KCNIP4: variants seen among roughly 807,000 people sequenced by gnomAD.
KCNIP4 encodes the protein Kv channel-interacting protein 4.
Under a neutral mutation model 34.0 loss-of-function variants are expected in KCNIP4, and 12 were observed. The ratio of observed to expected loss-of-function variants is 0.35; its 90% confidence interval spans 0.23 to 0.57. KCNIP4 has a LOEUF of 0.57. Ranked by LOEUF, KCNIP4 falls within the 20% of genes least tolerant of loss-of-function variation. The pLI is 0.83. For synonymous variants in KCNIP4, 124 were observed against 102.2 expected (o/e 1.21, Z -1.29); for missense variants, 238 against 311.7 (o/e 0.76, Z 1.78).
chr4:20,819,188 G>A (rs949581227), intron 3 of KCNIP4, among the ~76,000 whole-genome samples: 4 of 151,968 alleles, frequency 2.6e-5, no homozygotes, highest in Non-Finnish European at 5.9e-5. Flanking sequence ...TCCTCACAAA[G>A]AACTTATGAT....
chr4:21,028,631 G>A (rs932044446), intron 1 of KCNIP4, among the ~76,000 whole-genome samples: 2 of 152,158 alleles, frequency 1.3e-5, no homozygotes, highest in African/African-American at 4.8e-5. Context: ...AGGTTATTTA[G>A]CAAAATACTT....
chr4:21,674,387 C>A (rs772840466), intron 1 of KCNIP4, among the ~76,000 whole-genome samples: 91 of 152,300 alleles, frequency 6.0e-4, no homozygotes, highest in Admixed American at 2.2e-3. Context: ...GATCTGAATA[C>A]TTCTTTGTGA....
chr4:21,520,320 G>C (rs1735417173), intron 1 of KCNIP4, among the ~76,000 whole-genome samples: 1 of 152,048 alleles, frequency 6.6e-6, no homozygotes, highest in African/African-American at 2.4e-5. Flanking sequence ...AGCCATACTG[G>C]CACTCTGATC....
chr4:21,862,821 C>G (rs912862445), intron 1 of KCNIP4, among the ~76,000 whole-genome samples: 11 of 151,996 alleles, frequency 7.2e-5, no homozygotes, highest in Admixed American at 2.0e-4. Flanking sequence ...ATTAGCCGGG[C>G]GTGGTGGCAG....
At chr4:21,817,702 G>T (rs1722073390) in intron 1 of KCNIP4, among the ~76,000 whole-genome samples, 1 of 152,118 alleles carries the variant, frequency 6.6e-6, no homozygotes, top group South Asian at 2.1e-4. Context: ...TTGAGATAAG[G>T]ACTGAGATAT....
At chr4:20,967,318 T>A (rs977290843) in intron 1 of KCNIP4, among the ~76,000 whole-genome samples, 11 of 152,130 alleles carry the variant, frequency 7.2e-5, no homozygotes, top group Non-Finnish European at 7.4e-5. Context: ...TGCTCATGGA[T>A]AGGAAGAATC....
At chr4:21,808,106 T>C (rs1288514389) in intron 1 of KCNIP4, among the ~76,000 whole-genome samples, 1 of 152,202 alleles carries the variant, frequency 6.6e-6, no homozygotes, top group Non-Finnish European at 1.5e-5. Context: ...ATATCATATA[T>C]CATAGGGTAG....
intron 1 of KCNIP4, among the ~76,000 whole-genome samples, chr4:21,147,448 G>A (rs1752440761): frequency 6.6e-6 from 1 of 152,088 alleles, no homozygotes; most frequent in African/African-American, 2.4e-5. Context: ...CTTGGACCCT[G>A]ATATTTTTAC....
At chr4:20,920,856 G>T (rs953116862) in intron 1 of KCNIP4, among the ~76,000 whole-genome samples, 1 of 152,216 alleles carries the variant, frequency 6.6e-6, no homozygotes, top group African/African-American at 2.4e-5. Flanking sequence ...AGGTGTGGTG[G>T]TGCATTCCTG....
chr4:20,930,297 G>A (rs1399223503), intron 1 of KCNIP4, among the ~76,000 whole-genome samples: 3 of 151,996 alleles, frequency 2.0e-5, no homozygotes, highest in African/African-American at 7.2e-5. Flanking sequence ...TGGGAAAATT[G>A]GATTGCAACA....
At chr4:21,141,095 A>T (rs1204570685) in intron 1 of KCNIP4, among the ~76,000 whole-genome samples, 1 of 152,212 alleles carries the variant, frequency 6.6e-6, no homozygotes, top group African/African-American at 2.4e-5. Flanking sequence ...ATAAAATGTT[A>T]TGTTCATAGT....
intron 1 of KCNIP4, among the ~76,000 whole-genome samples, chr4:21,870,241 T>C (rs1176752507): frequency 2.0e-5 from 3 of 152,158 alleles, no homozygotes; most frequent in African/African-American, 7.2e-5. Flanking sequence ...ATGTTCTCAA[T>C]ACCTAGTAAG....
At chr4:21,673,088 G>T (rs575192155) in intron 1 of KCNIP4, among the ~76,000 whole-genome samples, 1 of 152,306 alleles carries the variant, frequency 6.6e-6, no homozygotes, top group South Asian at 2.1e-4. Flanking sequence ...CATCATGATT[G>T]CCATAGCCTG....
chr4:21,702,291 T>A lies in KCNIP4; in HGVS notation c.61+246280A>T, dbSNP rs544296533. On this transcript the variant is annotated intron_variant, in intron 1 of 8. Coordinates refer to ENST00000382152, the MANE Select transcript of KCNIP4 (RefSeq NM_025221.6). The stretch of plus-strand genomic sequence containing the variant: ...AGAGAGAGAGGTGGTATCTTCCTCC[T>A]CTTATAAGGACACTAATTCTATCCT... Among the ~76,000 whole-genome samples the A allele has an allele frequency of 1.5e-3, 224 of 152,240 alleles. 7 individuals are homozygous for A. The South Asian group carries it at 0.036, about 24-fold the overall frequency.
At chr4:21,178,388 T>G (rs1249000608) in intron 1 of KCNIP4, among the ~76,000 whole-genome samples, 1 of 152,202 alleles carries the variant, frequency 6.6e-6, no homozygotes, top group Non-Finnish European at 1.5e-5. Context: ...CTTTTCAAAT[T>G]TGAAGATGGC....
chr4:21,481,577 T>G (rs1005469444), intron 1 of KCNIP4, among the ~76,000 whole-genome samples: 1 of 152,148 alleles, frequency 6.6e-6, no homozygotes, highest in Admixed American at 6.5e-5. Context: ...AACAAGCAGC[T>G]CTAAATGGCT....
At chr4:21,869,799 T>G (rs59693370) in intron 1 of KCNIP4, among the ~76,000 whole-genome samples, 13 of 145,638 alleles carry the variant, frequency 8.9e-5, no homozygotes, top group African/African-American at 1.6e-4. Flanking sequence ...GACAGACAGA[T>G]AGATAGATAT....
At chr4:21,228,321 C>T (rs371824732) in intron 1 of KCNIP4, among the ~76,000 whole-genome samples, 4 of 152,150 alleles carry the variant, frequency 2.6e-5, no homozygotes, top group East Asian at 1.9e-4. Context: ...TGCTCTGCCA[C>T]GGTAAAACAT....
chr4:21,170,932 TC>T (rs1440013676), intron 1 of KCNIP4, among the ~76,000 whole-genome samples: 2 of 152,166 alleles, frequency 1.3e-5, no homozygotes, highest in Non-Finnish European at 2.9e-5. Context: ...CAAGTAGATT[TC>T]CTTTTTAAGT....
Sources: gnomAD v4.1 joint callset for allele counts (sites outside exome capture counted in the v4.1 genomes callset) on GRCh38, gnomAD v4.1.1 for gene constraint, MANE v1.5 for transcripts, NCBI Gene and HGNC (gene_info 2026-07-23, HGNC 2026-07-21) for gene names.